The following FER1L5 variants were observed in gnomAD, a reference collection of about 807,000 sequenced individuals.
The protein encoded by FER1L5 is fer-1-like protein 5.
A neutral mutation model predicts 279.9 loss-of-function variants in FER1L5; 187 were observed. The observed-to-expected ratio is 0.67, with a 90% CI of 0.59 to 0.75. FER1L5 has a LOEUF of 0.75. Among genes scored for constraint, FER1L5 ranks in the 30% least tolerant of loss-of-function variants. The probability of loss-of-function intolerance (pLI) is 0.00; values close to 1 mark genes in which losing one functional copy is unlikely to be tolerated. For missense variants in FER1L5, 2,091 were observed against 2,594.4 expected (o/e 0.81, Z 4.21); for synonymous variants, 921 against 989.7 (o/e 0.93, Z 1.30).
intron 17 of FER1L5, 33 bp from the exon 18 acceptor site, chr2:96,670,086 C>T: frequency 6.4e-7 from 1 of 1,550,800 alleles, no homozygotes; most frequent in Non-Finnish European, 8.7e-7. Context: ...TTTCTCTCAC[C>T]CCTTTTCTCC....
chr2:96,686,195 CCCCAGAT>C lies in FER1L5; in HGVS notation c.2075_2081del (p.Pro692ArgfsTer6). The stretch of plus-strand genomic sequence containing the variant: ...GCCTGACATTCTCCCACCTCGGCAG[CCCCAGAT>C]GGGCCTCCCTGACGTGATGATTTGG... On this transcript the variant is annotated frameshift_variant and splice_region_variant, in exon 23 of 53. Coordinates refer to ENST00000624922, the MANE Select transcript of FER1L5 (RefSeq NM_001293083.2). LOFTEE classifies it high-confidence loss of function. 4 of 1,550,170 alleles carry C rather than the reference CCCCAGAT, an allele frequency of 2.6e-6. No homozygotes were observed. Among genetic ancestry groups the C allele is most frequent in the Non-Finnish European group, 3.5e-6 (4 of 1,145,958 alleles).
At chr2:96,685,253 C>A in intron 20 of FER1L5, 76 bp from the exon 21 acceptor site, 2 of 1,291,886 alleles carry the variant, frequency 1.5e-6, no homozygotes, top group South Asian at 2.6e-5. Context: ...CATCTTGGGC[C>A]AATCAGCCCT....
chr2:96,660,461 A>G (rs1034065730), intron 10 of FER1L5, 90 bp downstream of exon 10: 18 of 1,140,656 alleles, frequency 1.6e-5, no homozygotes, highest in African/African-American at 4.6e-5. Flanking sequence ...TGTCCAACAC[A>G]TGGGTGGAGG....
chr2:96,695,921 G>T lies in FER1L5; in HGVS notation c.4057+17G>T. ...AGCTTCCAAGTACGGCCCTTCCTCCGTGCCTTTCCCCAGGCCTCACAAGCG... is the reference window on the plus strand; with the variant it reads ...AGCTTCCAAGTACGGCCCTTCCTCCTTGCCTTTCCCCAGGCCTCACAAGCG... On this transcript the variant is annotated intron_variant, in intron 36 of 52. Coordinates refer to ENST00000624922, the MANE Select transcript of FER1L5 (RefSeq NM_001293083.2). 3.1e-6 allele frequency: 5 copies of T among 1,612,214 alleles called. No individual in the cohort carries two copies. Among genetic ancestry groups the T allele is most frequent in the Non-Finnish European group, 4.2e-6 (5 of 1,179,246 alleles).
At position 96,674,309 on chromosome 2, in the gene FER1L5, G is replaced by A. The variant is rs1327624770; in HGVS notation, c.1669+1055G>A. 2.6e-5 allele frequency among the ~76,000 whole-genome samples: 4 copies of A among 152,136 alleles called. No homozygotes were observed. In the East Asian group the frequency reaches 7.8e-4, roughly 30 times the overall value. On this transcript the variant is annotated intron_variant, in intron 19 of 52. Coordinates refer to ENST00000624922, the MANE Select transcript of FER1L5 (RefSeq NM_001293083.2). ...GCGATCTCGGCTCACTGCAACCTCC[G>A]CCTCCCGGGTTCAAGCGATTCTCCT...
rs1203567804 is a variant in FER1L5, at chr2:96,702,991, G to C, written c.5411G>C (p.Ser1804Thr). The change falls in exon 49 of 53, where the codon AGC becomes ACC. Residue 1804 changes from serine (S) to threonine (T), a missense_variant. Ser to Thr is a moderately conservative substitution (Grantham distance 58). Transcript: ENST00000624922. This position sits in a 1 kb window ranked among gnomAD's most constrained non-coding sequence, Gnocchi z 4.0. ...CVQSQKDYIWSLDATSMKFPA... is the reference protein window; with the variant it reads ...CVQSQKDYIWTLDATSMKFPA... ...CCATTTCCCCAGGATTACATATGGA[G>C]CCTGGATGCCACGTCCATGAAGTTC... is the stretch of plus-strand genomic sequence containing the variant. The C allele has an allele frequency of 6.2e-7, 1 of 1,612,338 alleles. No homozygotes were observed. The highest frequency in any genetic ancestry group is 8.5e-7 in the Non-Finnish European group (1 of 1,179,224).
chr2:96,685,326 C>T lies in FER1L5; in HGVS notation c.1795-3C>T, dbSNP rs1272091524. 1 of 1,551,196 alleles carries T rather than the reference C, an allele frequency of 6.4e-7. No individual in the cohort carries two copies. The highest frequency in any genetic ancestry group is 2.4e-5 in the East Asian group (1 of 40,920). The stretch of plus-strand genomic sequence containing the variant: ...CTCTCACCATTTCTCTCCTGCTGGG[C>T]AGAAAGCCAACCTGGACACCCTGAA... On this transcript the variant is annotated splice_polypyrimidine_tract_variant and splice_region_variant and intron_variant, in intron 20 of 52. Transcript: ENST00000624922.
At chr2:96,663,042 C>T (rs2076008309) in intron 13 of FER1L5, among the ~76,000 whole-genome samples, 1 of 152,220 alleles carries the variant, frequency 6.6e-6, no homozygotes, top group African/African-American at 2.4e-5. Flanking sequence ...TACACATAAA[C>T]TCAACTGACG....
chr2:96,672,565 GC>G (rs955082109), intron 18 of FER1L5, among the ~76,000 whole-genome samples: 2 of 152,104 alleles, frequency 1.3e-5, no homozygotes, highest in Non-Finnish European at 2.9e-5. Context: ...TGGACAGGAG[GC>G]CCAAGAAAGC....
Position 96,702,819 on chromosome 2 carries a change from C to T in FER1L5, c.5397+78C>T. ...TCCTGGAGCTCCTCCCCCCACCCCTCCAGAGGCTTGCAATCTGTCCCAGAA... is the reference window on the plus strand; with the variant it reads ...TCCTGGAGCTCCTCCCCCCACCCCTTCAGAGGCTTGCAATCTGTCCCAGAA... On this transcript the variant is annotated intron_variant, in intron 48 of 52. Transcript: ENST00000624922. This position sits in a 1 kb window ranked among gnomAD's most constrained non-coding sequence, Gnocchi z 4.0. The T allele has an allele frequency of 6.4e-7, 1 of 1,573,902 alleles. No individual in the cohort carries two copies. The highest frequency in any genetic ancestry group is 2.3e-5 in the East Asian group (1 of 43,028).
chr2:96,667,114 C>T lies in FER1L5; in HGVS notation c.1141-1637C>T, dbSNP rs139513720. ...CTGATTCCCCATCTCTTTATAGGGA[C>T]AATCACAGTCCTCAAGGGGTTACAG... On this transcript the variant is annotated intron_variant, in intron 14 of 52. Coordinates refer to ENST00000624922, the MANE Select transcript of FER1L5 (RefSeq NM_001293083.2). Among the ~76,000 whole-genome samples the T allele has an allele frequency of 7.5e-3, 1,145 of 152,194 alleles. 3 individuals carry two copies. The highest frequency in any genetic ancestry group is 0.012 in the Non-Finnish European group (842 of 68,014).
intron 9 of FER1L5, among the ~76,000 whole-genome samples, chr2:96,656,504 C>T (rs2075605851): frequency 6.6e-6 from 1 of 152,170 alleles, no homozygotes; most frequent in Non-Finnish European, 1.5e-5. Context: ...GTGGCACATG[C>T]CTGTAATCCC....
intron 43 of FER1L5, 79 bp downstream of exon 43, chr2:96,699,799 C>T: frequency 1.3e-6 from 2 of 1,584,414 alleles, no homozygotes; most frequent in Non-Finnish European, 1.7e-6. Flanking sequence ...GAGAAGCCTG[C>T]ATCCTGGGCG....
chr2:96,697,571 G>A lies in FER1L5; in HGVS notation c.4129G>A (p.Ala1377Thr). Residue 1377 changes from alanine to threonine, a missense_variant, in exon 38 of 53, where the codon GCA becomes ACA. By Grantham distance (58) the Ala-to-Thr change is moderately conservative. Transcript: ENST00000624922. ...AAAGTTCTGGTTCAAGTCCAGTAAA[G>A]CAGAGGTGATGAAGGCTCAGCCCCA... ...YRKFWFKSSK[A>T]EDEYEHEVDW... is the part of the protein sequence containing the mutation. The A allele has an allele frequency of 1.2e-6, 2 of 1,613,820 alleles. No individual in the cohort carries two copies. The highest frequency in any genetic ancestry group is 1.3e-5 in the African/African-American group (1 of 75,058).
intron 50 of FER1L5, 29 bp downstream of exon 50, chr2:96,703,375 G>A (rs1056561116): frequency 1.3e-6 from 2 of 1,599,560 alleles, no homozygotes; most frequent in African/African-American, 2.7e-5. Context: ...CTACTGATTA[G>A]GGCTGCTATG....
At chr2:96,654,743 C>T (rs777089029) in intron 9 of FER1L5, 2 of 223,616 alleles carry the variant, frequency 8.9e-6, no homozygotes, top group Non-Finnish European at 1.7e-5. Context: ...ACTAGAAATA[C>T]AAAAAATTAG....
intron 1 of FER1L5, among the ~76,000 whole-genome samples, chr2:96,643,959 G>C (rs77639823): frequency 0.066 from 9,954 of 149,766 alleles, 650 homozygotes; most frequent in African/African-American, 0.16. Context: ...ATCACTGGAG[G>C]TCAGGAGTTC....
intron 9 of FER1L5, among the ~76,000 whole-genome samples, chr2:96,658,145 T>C (rs987017834): frequency 1.3e-5 from 2 of 151,388 alleles, no homozygotes; most frequent in African/African-American, 2.4e-5. Context: ...GACTCCCGAG[T>C]AGCTGGGATT....
chr2:96,701,698 G>T (rs1041933780), intron 45 of FER1L5, among the ~76,000 whole-genome samples: 1 of 152,020 alleles, frequency 6.6e-6, no homozygotes, highest in Non-Finnish European at 1.5e-5. Context: ...CAGACCTGTC[G>T]TAAGTGGAAT....
Sources: allele counts gnomAD v4.1 joint callset (sites outside exome capture counted in the v4.1 genomes callset), GRCh38; gene constraint gnomAD v4.1.1; non-coding constraint Gnocchi (gnomAD v3.1); transcripts MANE v1.5; gene names NCBI Gene and HGNC (gene_info 2026-07-23, HGNC 2026-07-21).